Variants in ANO3 observed in about 807,000 individuals in gnomAD.
ANO3 encodes anoctamin-3.
ANO3 carries 99 observed loss-of-function variants against 144.8 expected under a neutral mutation model. That is an observed-to-expected ratio of 0.68 (90% CI 0.58 to 0.81). ANO3 has a LOEUF of 0.81. ANO3 is among the 30% of genes least tolerant of loss of function. The pLI is 0.00. For missense variants in ANO3, 905 were observed against 1,202.2 expected, an observed-to-expected ratio of 0.75 and a Z score of 3.66; for synonymous variants, 414 against 392.6, an observed-to-expected ratio of 1.05 and a Z score of -0.64.
At chr11:26,412,114 A>G (rs1857448467) in intron 1 of ANO3, among the ~76,000 whole-genome samples, 1 of 152,054 alleles carries the variant, frequency 6.6e-6, no homozygotes, top group Non-Finnish European at 1.5e-5. Flanking sequence ...TTTATAGAGA[A>G]ATAAGAGAGT....
At chr11:26,369,141 T>G (rs1311768979) in intron 1 of ANO3, among the ~76,000 whole-genome samples, 1 of 152,086 alleles carries the variant, frequency 6.6e-6, no homozygotes, top group Non-Finnish European at 1.5e-5. Context: ...TAAGTCTGTG[T>G]GGGTATGTGT....
At chr11:26,580,046 A>G (rs1378752787) in intron 14 of ANO3, among the ~76,000 whole-genome samples, 1 of 144,854 alleles carries the variant, frequency 6.9e-6, no homozygotes, top group Non-Finnish European at 1.5e-5. Flanking sequence ...ACCAATACAA[A>G]ATGAGGTGCA....
chr11:26,282,299 T>A (rs1210048690), intron 1 of ANO3, among the ~76,000 whole-genome samples: 1 of 147,986 alleles, frequency 6.8e-6, no homozygotes, highest in Non-Finnish European at 1.5e-5. Context: ...AAACAGGTTT[T>A]CATTTTTTTT....
At chr11:26,378,419 T>TTATCTATCTATC (rs11372051) in intron 1 of ANO3, among the ~76,000 whole-genome samples, 20 of 144,762 alleles carry the variant, frequency 1.4e-4, no homozygotes, top group Non-Finnish European at 2.7e-4. Flanking sequence ...TATATATTAT[T>TTATCTATCTATC]TATCTATCTA....
intron 1 of ANO3, among the ~76,000 whole-genome samples, chr11:26,195,284 G>A (rs1449716439): frequency 2.0e-5 from 3 of 152,178 alleles, no homozygotes; most frequent in African/African-American, 7.2e-5. Flanking sequence ...ACATGCAACA[G>A]TGTTCTGAAG....
At chr11:26,247,384 T>G (rs891817456) in intron 1 of ANO3, among the ~76,000 whole-genome samples, 5 of 152,228 alleles carry the variant, frequency 3.3e-5, no homozygotes, top group Non-Finnish European at 5.9e-5. Context: ...ATGCTAAATT[T>G]CTGTATGTAC....
intron 1 of ANO3, among the ~76,000 whole-genome samples, chr11:26,441,364 G>A (rs1163520914): frequency 5.3e-5 from 8 of 151,198 alleles, no homozygotes; most frequent in South Asian, 2.1e-4. Flanking sequence ...TGATCCGCCC[G>A]CCTCGGCCTC....
intron 14 of ANO3, among the ~76,000 whole-genome samples, chr11:26,592,870 A>G (rs1433094014): frequency 1.3e-5 from 2 of 151,924 alleles, no homozygotes; most frequent in Non-Finnish European, 2.9e-5. Context: ...AGGGGAGGAA[A>G]CTATGTCCTC....
At chr11:26,435,689 A>C (rs1181713898) in intron 1 of ANO3, among the ~76,000 whole-genome samples, 1 of 151,740 alleles carries the variant, frequency 6.6e-6, no homozygotes, top group African/African-American at 2.4e-5. Context: ...TACTGTTAAT[A>C]CTTGCTGCTG....
chr11:26,587,765 T>G (rs1295648768), intron 14 of ANO3, among the ~76,000 whole-genome samples: 6 of 152,152 alleles, frequency 3.9e-5, no homozygotes. Context: ...AAAACCAGAC[T>G]GGACAACTTG....
chr11:26,291,739 T>C (rs1456011148), intron 1 of ANO3, among the ~76,000 whole-genome samples: 4 of 152,208 alleles, frequency 2.6e-5, no homozygotes, highest in African/African-American at 4.8e-5. Flanking sequence ...TATTGGCCCC[T>C]ACTCTCTTCT....
At chr11:26,207,134 C>T (rs1329526415) in intron 1 of ANO3, among the ~76,000 whole-genome samples, 1 of 151,900 alleles carries the variant, frequency 6.6e-6, no homozygotes, top group African/African-American at 2.4e-5. Context: ...TACAGCACAG[C>T]GTCTCTAGCT....
intron 1 of ANO3, among the ~76,000 whole-genome samples, chr11:26,298,436 A>G (rs1455674195): frequency 6.6e-6 from 1 of 152,196 alleles, no homozygotes; most frequent in African/African-American, 2.4e-5. Context: ...ACATGGAAAT[A>G]TGAGGGGTAT....
chr11:26,361,785 T>G (rs1436687192), intron 1 of ANO3, among the ~76,000 whole-genome samples: 1 of 152,224 alleles, frequency 6.6e-6, no homozygotes, highest in Non-Finnish European at 1.5e-5. Flanking sequence ...AACAAACTCT[T>G]TATTTAAGAT....
chr11:26,251,105 A>G (rs1482895350), intron 1 of ANO3, among the ~76,000 whole-genome samples: 1 of 152,216 alleles, frequency 6.6e-6, no homozygotes, highest in East Asian at 1.9e-4. Context: ...ATTTCTGCTG[A>G]GTTCATATTG....
chr11:26,492,034 G>A (rs1425371756), intron 4 of ANO3, among the ~76,000 whole-genome samples: 1 of 152,138 alleles, frequency 6.6e-6, no homozygotes, highest in African/African-American at 2.4e-5. Flanking sequence ...AAGGACAAGG[G>A]TTCCCCTGTT....
intron 20 of ANO3, among the ~76,000 whole-genome samples, chr11:26,637,379 G>A (rs1261660307): frequency 1.3e-5 from 2 of 152,092 alleles, no homozygotes; most frequent in African/African-American, 2.4e-5. Context: ...TTGGTAAATG[G>A]AATTCATCCT....
intron 1 of ANO3, among the ~76,000 whole-genome samples, chr11:26,403,058 T>A (rs562373118): frequency 3.1e-4 from 47 of 152,048 alleles, no homozygotes; most frequent in African/African-American, 1.0e-3. Flanking sequence ...TGTGTTTTGT[T>A]TCGTTTTGTT....
chr11:26,193,443 T>A (rs1851518431), intron 1 of ANO3, among the ~76,000 whole-genome samples: 1 of 152,122 alleles, frequency 6.6e-6, no homozygotes, highest in Admixed American at 6.5e-5. Context: ...CCTGGCCCAA[T>A]TTTGCCTATC....
Sources: gnomAD v4.1 joint callset for allele counts (sites outside exome capture counted in the v4.1 genomes callset) on GRCh38, gnomAD v4.1.1 for gene constraint, MANE v1.5 for transcripts, NCBI Gene and HGNC (gene_info 2026-07-23, HGNC 2026-07-21) for gene names.